Variants in SMIM17 observed in about 807,000 individuals in gnomAD.
The protein encoded by SMIM17 is small integral membrane protein 17.
SMIM17 carries 10 observed loss-of-function variants against 12.2 expected under a neutral mutation model. The observed-to-expected ratio is 0.82, with a 90% CI of 0.50 to 1.39. The LOEUF is 1.39. Ranked by LOEUF, SMIM17 falls within the 40% of genes most tolerant of loss-of-function variation. The pLI is 0.00. For missense variants in SMIM17, 136 were observed against 118.2 expected (o/e 1.15, Z -0.70); for synonymous variants, 50 against 44.1 (o/e 1.13, Z -0.53).
chr19:56,656,829 C>T lies in SMIM17; in HGVS notation c.*1616C>T, dbSNP rs1443569105. 3.3e-5 allele frequency among the ~76,000 whole-genome samples: 5 copies of T among 152,212 alleles called. No individual in the cohort carries two copies. The highest frequency in any genetic ancestry group is 7.3e-5 in the Non-Finnish European group (5 of 68,038). ...TGTGAACACAGAATGTGGCCTATAACACATCTGCTTCCAAAACTTTTTAAA... is the reference window on the plus strand; with the variant it reads ...TGTGAACACAGAATGTGGCCTATAATACATCTGCTTCCAAAACTTTTTAAA... On this transcript the variant is annotated 3_prime_UTR_variant, in exon 4 of 4. Coordinates refer to ENST00000598409, the MANE Select transcript of SMIM17 (RefSeq NM_001193628.2).
At chr19:56,652,756 GC>G (rs375954459) in intron 3 of SMIM17, among the ~76,000 whole-genome samples, 10 of 152,210 alleles carry the variant, frequency 6.6e-5, no homozygotes, top group Middle Eastern at 3.4e-3. Flanking sequence ...GCTGTGGACT[GC>G]CCTGGAGGGC....
Position 56,655,430 on chromosome 19 carries a change from T to G in SMIM17, c.*217T>G. On this transcript the variant is annotated 3_prime_UTR_variant, in exon 4 of 4. Transcript: ENST00000598409. ...AGACATCATTGATTGTAAAACATTA[T>G]TTTGTATACCACGGAGAAAGAAAAG... 2.2e-6 allele frequency: 1 copy of G among 445,214 alleles called. No individual in the cohort carries two copies. Among genetic ancestry groups the G allele is most frequent in the African/African-American group, 2.0e-5 (1 of 50,134 alleles). The allele number at this position is 445,214 out of a possible 1,614,324, so 27.6% of individuals were successfully genotyped here. A position where few individuals can be genotyped will look rare whatever the true frequency, so the allele number is the denominator to read the frequency against.
Position 56,650,017 on chromosome 19 carries a change from T to G in SMIM17, c.246+2383T>G, listed in dbSNP as rs547718400. On this transcript the variant is annotated intron_variant, in intron 3 of 3. Transcript: ENST00000598409. The stretch of plus-strand genomic sequence containing the variant: ...TACAGAATCACTCTGGGAGCCCATG[T>G]GGAAGGAAGGTGGGTTGGATGTGGC... Among the ~76,000 whole-genome samples the G allele has an allele frequency of 1.4e-3, 214 of 151,946 alleles. 4 individuals carry two copies. Among genetic ancestry groups the G allele is most frequent in the Non-Finnish European group, 6.0e-4 (41 of 67,932 alleles).
At chr19:56,648,816 T>C (rs1169308892) in intron 3 of SMIM17, among the ~76,000 whole-genome samples, 1 of 152,232 alleles carries the variant, frequency 6.6e-6, no homozygotes, top group Non-Finnish European at 1.5e-5. Flanking sequence ...TTTTGAGGAA[T>C]AAGATATCAA....
intron 3 of SMIM17, among the ~76,000 whole-genome samples, chr19:56,650,640 G>T (rs1384946524): frequency 6.6e-6 from 1 of 152,208 alleles, no homozygotes; most frequent in Non-Finnish European, 1.5e-5. Flanking sequence ...GTCCCACAAT[G>T]AGTGGGTAGC....
In SMIM17 at chr19:56,655,515, A is replaced by C; in HGVS notation, c.*302A>C. 2 of 364,874 alleles carry C rather than the reference A, an allele frequency of 5.5e-6. No individual in the cohort carries two copies. The highest frequency in any genetic ancestry group is 9.7e-6 in the Non-Finnish European group (2 of 205,290). The allele number at this position is 364,874 out of a possible 1,614,324, so 22.6% of individuals were successfully genotyped here. On this transcript the variant is annotated 3_prime_UTR_variant, in exon 4 of 4. Coordinates refer to ENST00000598409, the MANE Select transcript of SMIM17 (RefSeq NM_001193628.2). ...GATATCTCCTGACTTTGAGAAGATG[A>C]AAAAATGTGCAACTGAAGATCAATG...
intron 3 of SMIM17, among the ~76,000 whole-genome samples, chr19:56,648,757 AG>A (rs1370193954): frequency 6.6e-6 from 1 of 152,264 alleles, no homozygotes; most frequent in East Asian, 1.9e-4. Context: ...GTAAAACCAA[AG>A]ACAATTATCA....
At chr19:56,652,522 G>A (rs911408074) in intron 3 of SMIM17, among the ~76,000 whole-genome samples, 4 of 152,026 alleles carry the variant, frequency 2.6e-5, no homozygotes, top group African/African-American at 7.2e-5. Flanking sequence ...GCATGGGGGC[G>A]GATGCCTGTA....
chr19:56,651,501 C>T (rs537840010), intron 3 of SMIM17, among the ~76,000 whole-genome samples: 36 of 152,228 alleles, frequency 2.4e-4, no homozygotes, highest in African/African-American at 8.4e-4. Flanking sequence ...GAAAATGGTC[C>T]CATCATTACC....
Position 56,645,700 on chromosome 19 carries a change from G to C in SMIM17, c.33G>C (p.Gly11=). 6.5e-7 allele frequency: 1 copy of C among 1,534,776 alleles called. No homozygotes were observed. The highest frequency in any genetic ancestry group is 8.7e-7 in the Non-Finnish European group (1 of 1,146,554). The change falls in exon 2 of 4, where the codon GGG becomes GGC. Residue 11 remains glycine (G), a synonymous_variant. Transcript: ENST00000598409. ...GTCTCAGGCCTGAGCAGACACGGGG[G>C]CTGCTGGAGCCTGAGAGGACCAAGA... MQSLRPEQTR[G]LLEPERTKTL... is the part of the protein sequence containing the mutation.
chr19:56,650,768 G>A (rs1683947440), intron 3 of SMIM17, among the ~76,000 whole-genome samples: 1 of 152,192 alleles, frequency 6.6e-6, no homozygotes, highest in African/African-American at 2.4e-5. Flanking sequence ...CAAGCCCAGG[G>A]GCAACACGTG....
At chr19:56,652,287 G>C (rs1568518842) in intron 3 of SMIM17, among the ~76,000 whole-genome samples, 1 of 152,028 alleles carries the variant, frequency 6.6e-6, no homozygotes, top group East Asian at 1.9e-4. Context: ...GAGGGAGCCA[G>C]GCAAATATAC....
Position 56,656,286 on chromosome 19 carries a change from CT to C in SMIM17, c.*1078del, listed in dbSNP as rs2045151735. Among the ~76,000 whole-genome samples the C allele has an allele frequency of 6.6e-6, 1 of 151,976 alleles. No homozygotes were observed. The highest frequency in any genetic ancestry group is 1.5e-5 in the Non-Finnish European group (1 of 68,006). On this transcript the variant is annotated 3_prime_UTR_variant, in exon 4 of 4. Coordinates refer to ENST00000598409, the MANE Select transcript of SMIM17 (RefSeq NM_001193628.2). ...CTAGAAAATTCTTCATTCCATAGAG[CT>C]TTTTCATATTATTAGCTTAATTATG...
At chr19:56,651,113 T>G (rs1272942284) in intron 3 of SMIM17, among the ~76,000 whole-genome samples, 2 of 152,172 alleles carry the variant, frequency 1.3e-5, no homozygotes, top group Non-Finnish European at 2.9e-5. Context: ...TGATGACAGT[T>G]ACAGCCTCAT....
In SMIM17 at chr19:56,655,185, C is replaced by T. The variant is rs115540436; in HGVS notation, c.329C>T (p.Thr110Met). ...VCVLFLFLVL[T>M]GMPMMFHI ...GTGCTTTTTTTGTTCCTGGTTTTAA[C>T]GGGGATGCCTATGATGTTTCACATT... Residue 110 changes from threonine to methionine, a missense_variant, in exon 4 of 4, where the codon ACG becomes ATG. By Grantham distance (81) the Thr-to-Met change is moderately conservative (BLOSUM62 -1). Transcript: ENST00000598409. 1.3e-3 allele frequency: 885 copies of T among 702,402 alleles called. 11 individuals carry two copies. The African/African-American group carries it at 0.014, about 11-fold the overall frequency. The allele number at this position is 702,402 out of a possible 1,614,324, so 43.5% of individuals were successfully genotyped here.
chr19:56,654,722 T>C, intron 3 of SMIM17, among the ~76,000 whole-genome samples: 1 of 152,130 alleles, frequency 6.6e-6, no homozygotes, highest in Non-Finnish European at 1.5e-5. Context: ...AAGATGTCCA[T>C]CAGATATCCA....
At chr19:56,649,954 T>G (rs2045096655) in intron 3 of SMIM17, among the ~76,000 whole-genome samples, 1 of 152,014 alleles carries the variant, frequency 6.6e-6, no homozygotes, top group Non-Finnish European at 1.5e-5. Context: ...TGGATGTGTT[T>G]TGCAGGCAGT....
chr19:56,645,646 A>G lies in SMIM17; in HGVS notation c.-22A>G. 6.9e-7 allele frequency: 1 copy of G among 1,457,962 alleles called. No individual in the cohort carries two copies. Among genetic ancestry groups the G allele is most frequent in the Non-Finnish European group, 9.0e-7 (1 of 1,109,846 alleles). 90.3% of individuals were successfully genotyped at this position (1,457,962 alleles called of 1,614,324 possible). On this transcript the variant is annotated 5_prime_UTR_variant, in exon 2 of 4. Coordinates refer to ENST00000598409, the MANE Select transcript of SMIM17 (RefSeq NM_001193628.2). ...AGGAGAAAGAGAAGCTTGTCTCAGA[A>G]GCTCCACCTCCTCCTGGGGCAATGC...
intron 3 of SMIM17, among the ~76,000 whole-genome samples, chr19:56,650,571 G>C (rs926279227): frequency 6.6e-6 from 1 of 152,116 alleles, no homozygotes; most frequent in Non-Finnish European, 1.5e-5. Flanking sequence ...TGTTAGCATG[G>C]TTTCCTCCTC....
Sources: allele counts gnomAD v4.1 joint callset (sites outside exome capture counted in the v4.1 genomes callset), GRCh38; gene constraint gnomAD v4.1.1; transcripts MANE v1.5; gene names NCBI Gene and HGNC (gene_info 2026-07-23, HGNC 2026-07-21).